NCAPG2: variants seen among roughly 807,000 people sequenced by gnomAD.
The protein encoded by NCAPG2 is non-SMC condensin II complex subunit G2.
A neutral mutation model predicts 141.1 loss-of-function variants in NCAPG2; 53 were observed. That is an observed-to-expected ratio of 0.38 (90% CI 0.30 to 0.47). The LOEUF (loss-of-function observed/expected upper bound fraction) is 0.47. Among genes scored for constraint, NCAPG2 ranks in the 20% least tolerant of loss-of-function variants. The pLI, the probability that NCAPG2 is intolerant of heterozygous loss-of-function variation, is 0.99. For synonymous variants in NCAPG2, 499 were observed against 490.7 expected, an observed-to-expected ratio of 1.02 and a Z score of -0.22; for missense variants, 1,087 against 1,389.0, an observed-to-expected ratio of 0.78 and a Z score of 3.46.
Position 158,664,619 on chromosome 7 carries a change from G to A in NCAPG2, c.1611C>T (p.Cys537=), listed in dbSNP as rs756079128. ...LPVNQPEEVW[C]ERCVTLVQMN... The stretch of plus-strand genomic sequence containing the variant: ...TCTGCACCAGGGTGACACAGCGCTC[G>A]CACCAGACCTCCTCCGGCTGATTCA... The change falls in exon 14 of 28, where the codon TGC becomes TGT. Residue 537 remains cysteine (C), a synonymous_variant. Transcript: ENST00000356309. The A allele has an allele frequency of 1.4e-5, 22 of 1,614,020 alleles. No homozygotes were observed. The highest frequency in any genetic ancestry group is 1.6e-4 in the Middle Eastern group (1 of 6,084).
chr7:158,688,644 T>C (rs1834931236), intron 6 of NCAPG2, among the ~76,000 whole-genome samples: 1 of 152,216 alleles, frequency 6.6e-6, no homozygotes, highest in Non-Finnish European at 1.5e-5. Flanking sequence ...TGATACATAT[T>C]ACCTCATCTG....
Position 158,687,436 on chromosome 7 carries a change from T to C in NCAPG2, c.679A>G (p.Arg227Gly), listed in dbSNP as rs1183619108. 1 of 1,598,322 alleles carries C rather than the reference T, an allele frequency of 6.3e-7. No individual in the cohort carries two copies. ...INYIKKEEGR[R>G]FLSCLFNWNI... Reference sequence around the variant, plus strand: ...CAGTTGAAGAGACAACTAAGAAATCTTCTTCCCTAGAAATAAAAAAGGATA... The same window carrying C: ...CAGTTGAAGAGACAACTAAGAAATCCTCTTCCCTAGAAATAAAAAAGGATA... Residue 227 changes from arginine to glycine, a missense_variant, in exon 7 of 28, where the codon AGA (arginine) becomes GGA (glycine). Coordinates refer to ENST00000356309, the MANE Select transcript of NCAPG2 (RefSeq NM_017760.7).
intron 1 of NCAPG2, 31 bp from the exon 2 acceptor site, chr7:158,701,969 T>C: frequency 7.8e-7 from 1 of 1,277,354 alleles, no homozygotes; most frequent in Non-Finnish European, 1.1e-6. Flanking sequence ...ACTGAAACAC[T>C]TGCAAATATA....
In NCAPG2 at chr7:158,656,599, G is replaced by A; in HGVS notation, c.2167C>T (p.Leu723=). Residue 723 remains leucine, a synonymous_variant, in exon 18 of 28, where the codon CTG becomes TTG. Transcript: ENST00000356309. ...GGCAGCCAGTTGTCAACAAGCTCCA[G>A]AATGTGCCCCACCTGCCCCCAGGAG... ...LCSWGQVGHI[L]ELVDNWLPTE... The A allele has an allele frequency of 6.2e-7, 1 of 1,614,094 alleles. No individual in the cohort carries two copies. Among genetic ancestry groups the A allele is most frequent in the Non-Finnish European group, 8.5e-7 (1 of 1,180,028 alleles).
intron 1 of NCAPG2, chr7:158,703,828 T>G (rs1346617488): frequency 6.6e-6 from 1 of 152,596 alleles, no homozygotes; most frequent in East Asian, 1.9e-4. Context: ...GCAACAAGAG[T>G]TCAGGAGACT....
chr7:158,652,529 T>C lies in NCAPG2; in HGVS notation c.2747-49A>G, dbSNP rs758387202. 8.0e-6 allele frequency: 11 copies of C among 1,374,962 alleles called. No homozygotes were observed. The African/African-American group carries it at 1.0e-4, about 13-fold the overall frequency. 85.2% of individuals were successfully genotyped at this position (1,374,962 alleles called of 1,614,324 possible). A position where few individuals can be genotyped will look rare whatever the true frequency, so the allele number is the denominator to read the frequency against. ...CAGTTTTCTAATCACACAAGTTTGT[T>C]GAAATCATTACACATTTCTCACTTA... is the stretch of plus-strand genomic sequence containing the variant. On this transcript the variant is annotated intron_variant, in intron 22 of 27. Coordinates refer to ENST00000356309, the MANE Select transcript of NCAPG2 (RefSeq NM_017760.7).
At chr7:158,699,445 AC>A (rs1835654354) in intron 2 of NCAPG2, among the ~76,000 whole-genome samples, 1 of 152,244 alleles carries the variant, frequency 6.6e-6, no homozygotes, top group Admixed American at 6.5e-5. Flanking sequence ...GGCAAGAAAT[AC>A]CAGGTGAATG....
intron 5 of NCAPG2, among the ~76,000 whole-genome samples, 198 bp downstream of exon 5, chr7:158,690,370 G>C (rs117840625): frequency 0.025 from 3,841 of 152,302 alleles, 86 homozygotes; most frequent in Middle Eastern, 0.071. Flanking sequence ...CGCAGGTTTA[G>C]AATGTTAGGA....
chr7:158,651,281 A>G (rs1831473076), intron 23 of NCAPG2, among the ~76,000 whole-genome samples: 1 of 152,214 alleles, frequency 6.6e-6, no homozygotes, highest in Non-Finnish European at 1.5e-5. Context: ...TCAATACATT[A>G]AAATAAGGCA....
chr7:158,666,728 G>A (rs887381122), intron 13 of NCAPG2, among the ~76,000 whole-genome samples: 3 of 151,570 alleles, frequency 2.0e-5, no homozygotes, highest in African/African-American at 4.9e-5. Flanking sequence ...GGATTTTGAC[G>A]CCACCCTGGG....
chr7:158,641,549 TC>T, intron 27 of NCAPG2: 1 of 631,710 alleles, frequency 1.6e-6, no homozygotes, highest in African/African-American at 1.9e-5. Flanking sequence ...CAGCAAGTCC[TC>T]ATATCTTGGA....
At position 158,655,234 on chromosome 7, in the gene NCAPG2, A is replaced by G; in HGVS notation, c.2530T>C (p.Leu844=). The G allele has an allele frequency of 1.2e-6, 2 of 1,613,980 alleles. No individual in the cohort carries two copies. Among genetic ancestry groups the G allele is most frequent in the East Asian group, 2.2e-5 (1 of 44,878 alleles). ...HKFCSEGKVY[L]SMLEDTGFWL... is the part of the protein sequence containing the mutation. ...AAGCCAGTGTCTTCCAACATGGACA[A>G]ATACACCTTTCCTTCTGAGCAGAAC... The change falls in exon 21 of 28, where the codon TTG becomes CTG. Residue 844 remains leucine (L), a synonymous_variant. Coordinates refer to ENST00000356309, the MANE Select transcript of NCAPG2 (RefSeq NM_017760.7).
At chr7:158,672,830 C>T (rs1833832760) in intron 12 of NCAPG2, among the ~76,000 whole-genome samples, 1 of 152,192 alleles carries the variant, frequency 6.6e-6, no homozygotes, top group Admixed American at 6.5e-5. Context: ...CCCAATCCCA[C>T]AGCCCCTGTA....
chr7:158,691,648 T>G (rs1242433041), intron 4 of NCAPG2, among the ~76,000 whole-genome samples: 3 of 152,240 alleles, frequency 2.0e-5, no homozygotes, highest in Non-Finnish European at 4.4e-5. Flanking sequence ...TAACTAAAAT[T>G]TTATATATTT....
rs1830022867 is a variant in NCAPG2 at position 158,633,748 on chromosome 7, CTAA to C, written c.3381-2034_3381-2032del. ...CAGGAAGTCATGAACCCTCCAAAAT[CTAA>C]AATTAATTTTTTTTTTTGAGACAGG... On this transcript the variant is annotated intron_variant, in intron 27 of 27. Coordinates refer to ENST00000356309, the MANE Select transcript of NCAPG2 (RefSeq NM_017760.7). The surrounding 1 kb of genome is among the most constrained non-coding windows in gnomAD (Gnocchi z 4.1). Among the ~76,000 whole-genome samples the C allele has an allele frequency of 6.6e-6, 1 of 152,088 alleles. No individual in the cohort carries two copies. The highest frequency in any genetic ancestry group is 6.5e-5 in the Admixed American group (1 of 15,268).
In NCAPG2 at chr7:158,694,353, A is replaced by G. The variant is rs1835311918; in HGVS notation, c.79-856T>C. 2.6e-5 allele frequency among the ~76,000 whole-genome samples: 4 copies of G among 152,248 alleles called. No individual in the cohort carries two copies. In the South Asian group the frequency reaches 8.3e-4, roughly 32 times the overall value. On this transcript the variant is annotated intron_variant, in intron 2 of 27. Coordinates refer to ENST00000356309, the MANE Select transcript of NCAPG2 (RefSeq NM_017760.7). Reference sequence around the variant, plus strand: ...AAATCACTGTTTTATAGCCATCACAATAATTATGGACTCTGGCAGGAATTA... The same window carrying G: ...AAATCACTGTTTTATAGCCATCACAGTAATTATGGACTCTGGCAGGAATTA...
intron 21 of NCAPG2, 41 bp downstream of exon 21, chr7:158,655,077 C>T: frequency 5.8e-6 from 9 of 1,552,376 alleles, no homozygotes; most frequent in Non-Finnish European, 7.8e-6. Context: ...ACATAACAAA[C>T]TTGGTAAAGA....
chr7:158,676,677 C>T (rs2129466513), intron 11 of NCAPG2, among the ~76,000 whole-genome samples: 1 of 152,286 alleles, frequency 6.6e-6, no homozygotes, highest in African/African-American at 2.4e-5. Flanking sequence ...GTGTTGTGGG[C>T]ACACAGGGGT....
At chr7:158,677,358 C>A (rs994115977) in intron 11 of NCAPG2, among the ~76,000 whole-genome samples, 1 of 151,970 alleles carries the variant, frequency 6.6e-6, no homozygotes, top group African/African-American at 2.4e-5. Context: ...CCTGCTGTTG[C>A]ACTCTGCCCA....
Sources: allele counts gnomAD v4.1 joint callset (sites outside exome capture counted in the v4.1 genomes callset), GRCh38; gene constraint gnomAD v4.1.1; non-coding constraint Gnocchi (gnomAD v3.1); transcripts MANE v1.5; gene names NCBI Gene and HGNC (gene_info 2026-07-23, HGNC 2026-07-21).